Variants in FHIP2A observed in about 807,000 individuals in gnomAD.
FHIP2A encodes the protein family with sequence similarity 160 member B1.
In FHIP2A, 46 loss-of-function variants were observed where a neutral mutation model predicts 93.5. That is an observed-to-expected ratio of 0.49 (90% CI 0.39 to 0.63). The LOEUF (loss-of-function observed/expected upper bound fraction) is 0.63. FHIP2A is among the 20% of genes least tolerant of loss of function. The probability of loss-of-function intolerance (pLI) is 0.00; values close to 1 mark genes in which losing one functional copy is unlikely to be tolerated. For synonymous variants in FHIP2A, 332 were observed against 326.5 expected (o/e 1.02, Z -0.18); for missense variants, 769 against 909.7 (o/e 0.85, Z 1.99).
chr10:114,830,498 C>G (rs1486395771), intron 1 of FHIP2A, among the ~76,000 whole-genome samples: 1 of 151,982 alleles, frequency 6.6e-6, no homozygotes, highest in Non-Finnish European at 1.5e-5. Context: ...TCTTGAACTC[C>G]TGACCTCAAG....
At position 114,822,094 on chromosome 10, in the gene FHIP2A, A is replaced by G; in HGVS notation, c.16A>G (p.Thr6Ala). MFSKF[T>A]SILQHAVEAL... ...CCGGGACAGGATGTTCTCCAAGTTC[A>G]CCTCCATCCTGCAGCACGCCGTGGA... Residue 6 changes from threonine (T) to alanine (A), a missense_variant, in exon 1 of 17, where the codon ACC (threonine) becomes GCC (alanine). Thr to Ala is a moderately conservative substitution (Grantham distance 58, BLOSUM62 0). Coordinates refer to ENST00000369248, the MANE Select transcript of FHIP2A (RefSeq NM_020940.4). The G allele has an allele frequency of 7.5e-7, 1 of 1,341,006 alleles. No individual in the cohort carries two copies. The highest frequency in any genetic ancestry group is 1.8e-5 in the South Asian group (1 of 54,770). The allele number at this position is 1,341,006 out of a possible 1,614,324, so 83.1% of individuals were successfully genotyped here.
chr10:114,870,755 G>A (rs548478655), intron 16 of FHIP2A, among the ~76,000 whole-genome samples: 5 of 152,238 alleles, frequency 3.3e-5, no homozygotes, highest in African/African-American at 1.2e-4. Flanking sequence ...AAAGTACAAG[G>A]GATAAGGCAA....
At chr10:114,827,249 A>C (rs1031885571) in intron 1 of FHIP2A, among the ~76,000 whole-genome samples, 3 of 152,210 alleles carry the variant, frequency 2.0e-5, no homozygotes, top group Non-Finnish European at 4.4e-5. Flanking sequence ...CAGTATGTGC[A>C]AAATTTGCAG....
chr10:114,826,818 AC>A (rs1349273521), intron 1 of FHIP2A, among the ~76,000 whole-genome samples: 5 of 152,186 alleles, frequency 3.3e-5, no homozygotes, highest in Middle Eastern at 3.4e-3. Flanking sequence ...ATATGATGAA[AC>A]CCCATCTTTA....
At chr10:114,822,393 C>G (rs747684479) in intron 1 of FHIP2A, among the ~76,000 whole-genome samples, 9 of 151,822 alleles carry the variant, frequency 5.9e-5, no homozygotes, top group East Asian at 3.9e-4. Flanking sequence ...GCGGGGGTGC[C>G]GGGGAGGACC....
At chr10:114,824,413 T>C (rs1171554980) in intron 1 of FHIP2A, among the ~76,000 whole-genome samples, 1 of 152,182 alleles carries the variant, frequency 6.6e-6, no homozygotes, top group Non-Finnish European at 1.5e-5. Flanking sequence ...TTGCTGAGGT[T>C]AGTGAGAAAA....
intron 16 of FHIP2A, among the ~76,000 whole-genome samples, chr10:114,875,683 G>A (rs1476184624): frequency 6.6e-6 from 1 of 150,610 alleles, no homozygotes; most frequent in Non-Finnish European, 1.5e-5. Context: ...AATTGAGCGA[G>A]ACTCTGTCGA....
intron 11 of FHIP2A, 136 bp from the exon 12 acceptor site, chr10:114,846,954 A>G: frequency 1.2e-6 from 1 of 863,038 alleles, no homozygotes; most frequent in South Asian, 1.9e-5. Flanking sequence ...ATTTGCCTAG[A>G]AAATATACAT....
intron 16 of FHIP2A, among the ~76,000 whole-genome samples, chr10:114,898,521 T>C (rs1430934193): frequency 6.6e-6 from 1 of 152,186 alleles, no homozygotes; most frequent in African/African-American, 2.4e-5. Flanking sequence ...CACTCCTACC[T>C]GCCACAAGGT....
chr10:114,839,600 C>T (rs144576094), intron 5 of FHIP2A, among the ~76,000 whole-genome samples: 1,726 of 152,058 alleles, frequency 0.011, 34 homozygotes, highest in African/African-American at 0.04. Context: ...CTTTGCCGGC[C>T]GGGCGCGGTG....
At chr10:114,840,823 A>C (rs1316914901) in intron 5 of FHIP2A, among the ~76,000 whole-genome samples, 4 of 152,198 alleles carry the variant, frequency 2.6e-5, no homozygotes, top group Non-Finnish European at 4.4e-5. Context: ...TTGAGTCATC[A>C]TGATTTCCTG....
In FHIP2A at chr10:114,847,180, T is replaced by C. The variant is rs2083706654; in HGVS notation, c.1659T>C (p.Thr553=). 1 of 1,613,768 alleles carries C rather than the reference T, an allele frequency of 6.2e-7. No individual in the cohort carries two copies. Among genetic ancestry groups the C allele is most frequent in the Non-Finnish European group, 8.5e-7 (1 of 1,179,794 alleles). ...GGCTTAGTTCTTCACCTCCTGCTAC[T>C]CCAGACCACCCCAAAAATGATGGAA... The part of the protein sequence containing the change: ...QEWLSSSPPA[T]PDHPKNDGKT... The change falls in exon 12 of 17, where the codon ACT becomes ACC. Residue 553 remains threonine (T), a synonymous_variant. Transcript: ENST00000369248.
At chr10:114,838,802 G>A (rs1483399782) in intron 5 of FHIP2A, among the ~76,000 whole-genome samples, 1 of 152,174 alleles carries the variant, frequency 6.6e-6, no homozygotes, top group African/African-American at 2.4e-5. Context: ...CCTCACTACA[G>A]AGAACACCCC....
chr10:114,881,670 G>A (rs373229780), intron 16 of FHIP2A, among the ~76,000 whole-genome samples: 104 of 152,058 alleles, frequency 6.8e-4, no homozygotes, highest in African/African-American at 2.3e-3. Flanking sequence ...TGGGTTTATG[G>A]AGCCACTAAT....
chr10:114,896,826 T>C (rs1365482299), intron 16 of FHIP2A, among the ~76,000 whole-genome samples: 2 of 152,230 alleles, frequency 1.3e-5, no homozygotes, highest in Non-Finnish European at 2.9e-5. Context: ...ATAAACTCTC[T>C]AAATTAACTG....
chr10:114,839,904 AAAG>A (rs1321860595), intron 5 of FHIP2A, among the ~76,000 whole-genome samples: 5 of 151,836 alleles, frequency 3.3e-5, no homozygotes, highest in Non-Finnish European at 5.9e-5. Context: ...AAAAAAAAGA[AAAG>A]AAACAGTCTT....
At chr10:114,846,126 A>G in intron 9 of FHIP2A, 37 bp downstream of exon 9, 1 of 1,612,536 alleles carries the variant, frequency 6.2e-7, no homozygotes. Context: ...AAACCGCATC[A>G]CTGTGTCATG....
downstream of FHIP2A, among the ~76,000 whole-genome samples, chr10:114,868,261 A>C (rs1348727576): frequency 2.0e-5 from 3 of 152,040 alleles, no homozygotes; most frequent in Non-Finnish European, 4.4e-5. Flanking sequence ...GGTGAGTGGC[A>C]GGCGACCACC....
intron 1 of FHIP2A, among the ~76,000 whole-genome samples, chr10:114,826,733 C>T (rs554877870): frequency 2.0e-5 from 3 of 152,192 alleles, no homozygotes; most frequent in Admixed American, 6.5e-5. Flanking sequence ...GTGGCTCACA[C>T]CTGTAATGCC....
Sources: gnomAD v4.1 joint callset for allele counts (sites outside exome capture counted in the v4.1 genomes callset) on GRCh38, gnomAD v4.1.1 for gene constraint, MANE v1.5 for transcripts, NCBI Gene and HGNC (gene_info 2026-07-23, HGNC 2026-07-21) for gene names.